SLC16A10: variants seen among roughly 807,000 people sequenced by gnomAD.
The protein encoded by SLC16A10 is solute carrier family 16 member 10, also known as monocarboxylate transporter 10.
Under a neutral mutation model 40.0 loss-of-function variants are expected in SLC16A10, and 27 were observed. The observed-to-expected ratio is 0.67, with a 90% CI of 0.50 to 0.93. SLC16A10 has a LOEUF of 0.93. Among genes scored for constraint, SLC16A10 ranks in the 40% least tolerant of loss-of-function variants. The pLI, the probability that SLC16A10 is intolerant of heterozygous loss-of-function variation, is 0.00. For missense variants in SLC16A10, 529 were observed against 658.2 expected, an observed-to-expected ratio of 0.80 and a Z score of 2.15; for synonymous variants, 213 against 249.8, an observed-to-expected ratio of 0.85 and a Z score of 1.39.
intron 1 of SLC16A10, among the ~76,000 whole-genome samples, chr6:111,099,318 GTATT>G (rs1191844851): frequency 2.6e-5 from 4 of 152,106 alleles, no homozygotes; most frequent in East Asian, 3.9e-4. Flanking sequence ...TTGTATGTAT[GTATT>G]TATTTATTTT....
chr6:111,101,610 A>C (rs1029455338), intron 1 of SLC16A10, among the ~76,000 whole-genome samples: 1 of 152,016 alleles, frequency 6.6e-6, no homozygotes, highest in Admixed American at 6.5e-5. Flanking sequence ...TCAGATTTGC[A>C]AATAAATAAT....
intron 1 of SLC16A10, among the ~76,000 whole-genome samples, chr6:111,155,421 A>G (rs973351013): frequency 6.6e-6 from 1 of 151,920 alleles, no homozygotes; most frequent in African/African-American, 2.4e-5. Flanking sequence ...GCTGGTCTCA[A>G]ACTCCTGGCC....
intron 4 of SLC16A10, among the ~76,000 whole-genome samples, chr6:111,207,582 T>C (rs775084385): frequency 2.6e-5 from 4 of 152,170 alleles, no homozygotes; most frequent in Admixed American, 6.5e-5. Flanking sequence ...GATAAAGCAG[T>C]GTTGCAGCAC....
intron 1 of SLC16A10, among the ~76,000 whole-genome samples, chr6:111,112,378 G>A (rs117190473): frequency 0.08 from 12,198 of 152,176 alleles, 716 homozygotes; most frequent in Middle Eastern, 0.12. Flanking sequence ...GGCAAGTGCT[G>A]TGCAAGGCAC....
chr6:111,098,244 T>C (rs2114435162), intron 1 of SLC16A10, among the ~76,000 whole-genome samples: 1 of 152,038 alleles, frequency 6.6e-6, no homozygotes, highest in South Asian at 2.1e-4. Context: ...AGTTGGAGGT[T>C]GCAATGAGCC....
In SLC16A10 at chr6:111,226,360, T is replaced by C. The variant is rs1422221335; in HGVS notation, c.*4125T>C. On this transcript the variant is annotated 3_prime_UTR_variant, in exon 6 of 6. Coordinates refer to ENST00000368851, the MANE Select transcript of SLC16A10 (RefSeq NM_018593.5). ...ATGATTGTTCTTCAGGGACCTTCCT[T>C]AGGTTAGGTTACATTTTCTGGTGAA... is the stretch of plus-strand genomic sequence containing the variant. The C allele has an allele frequency of 6.6e-6, 1 of 152,178 alleles. No individual in the cohort carries two copies. Among genetic ancestry groups the C allele is most frequent in the Non-Finnish European group, 1.5e-5 (1 of 68,040 alleles). The allele number at this position is 152,178 out of a possible 1,614,324, so 9.4% of individuals were successfully genotyped here.
intron 4 of SLC16A10, among the ~76,000 whole-genome samples, chr6:111,216,116 G>T (rs2114591983): frequency 6.6e-6 from 1 of 151,962 alleles, no homozygotes; most frequent in African/African-American, 2.4e-5. Flanking sequence ...ATCTCTTTTT[G>T]TCTCAATAAA....
intron 1 of SLC16A10, among the ~76,000 whole-genome samples, chr6:111,102,192 C>T (rs1278671137): frequency 2.0e-5 from 3 of 152,120 alleles, no homozygotes; most frequent in Non-Finnish European, 2.9e-5. Flanking sequence ...CTTGGGTGTA[C>T]GTCCAGAAGT....
intron 1 of SLC16A10, among the ~76,000 whole-genome samples, chr6:111,138,712 C>G (rs532870089): frequency 1.3e-5 from 2 of 151,954 alleles, no homozygotes; most frequent in African/African-American, 2.4e-5. Flanking sequence ...ATTCAAACTC[C>G]GGGGCTCAAG....
Position 111,203,751 on chromosome 6 carries a change from T to TAAATAAAA in SLC16A10, c.943-2838_943-2837insTAAAAAAA, listed in dbSNP as rs1554261471. On this transcript the variant is annotated intron_variant, in intron 3 of 5. Transcript: ENST00000368851. ...ATAAATAAATAAATAAATAAATAAA[T>TAAATAAAA]AAAATAATGCCCCTTCTAGTTGAAA... Among the ~76,000 whole-genome samples, 195 of 147,694 alleles carry TAAATAAAA rather than the reference T, an allele frequency of 1.3e-3. 1 individual carries two copies. The East Asian group carries it at 0.015, about 11-fold the overall frequency.
At chr6:111,167,647 G>A (rs189707030) in intron 1 of SLC16A10, among the ~76,000 whole-genome samples, 1,992 of 112,950 alleles carry the variant, frequency 0.018, 20 homozygotes, top group Admixed American at 0.028. Context: ...TTTATTTATT[G>A]TGTGTGTGTG....
intron 1 of SLC16A10, among the ~76,000 whole-genome samples, chr6:111,100,420 C>T (rs548816773): frequency 7.9e-5 from 12 of 151,990 alleles, no homozygotes; most frequent in African/African-American, 2.9e-4. Flanking sequence ...GGTGGAGTCT[C>T]GCTTTGTCAC....
At chr6:111,180,289 A>C (rs1583347608) in intron 3 of SLC16A10, among the ~76,000 whole-genome samples, 1 of 152,338 alleles carries the variant, frequency 6.6e-6, no homozygotes, top group South Asian at 2.1e-4. Context: ...CACGCCTATA[A>C]TCTCACCACT....
intron 3 of SLC16A10, 21 bp from the exon 4 acceptor site, chr6:111,206,571 T>A: frequency 6.2e-7 from 1 of 1,613,758 alleles, no homozygotes; most frequent in Non-Finnish European, 8.5e-7. Context: ...TCAGTGTGGT[T>A]TCTTTCTCTT....
intron 1 of SLC16A10, among the ~76,000 whole-genome samples, chr6:111,088,944 A>AC (rs1770924727): frequency 1.3e-5 from 2 of 151,860 alleles, no homozygotes; most frequent in Non-Finnish European, 2.9e-5. Context: ...AGCGCGGTCA[A>AC]CCCCATTTGG....
chr6:111,165,089 A>G (rs1338107502), intron 1 of SLC16A10, among the ~76,000 whole-genome samples: 1 of 152,200 alleles, frequency 6.6e-6, no homozygotes, highest in Non-Finnish European at 1.5e-5. Flanking sequence ...AAGATTTTTC[A>G]TTGTCCAATC....
chr6:111,216,918 C>A (rs1199861221), intron 4 of SLC16A10, among the ~76,000 whole-genome samples: 1 of 152,160 alleles, frequency 6.6e-6, no homozygotes, highest in East Asian at 1.9e-4. Context: ...TCCTGAATTC[C>A]ACCCAGAACT....
chr6:111,097,993 T>A (rs756998643), intron 1 of SLC16A10, among the ~76,000 whole-genome samples: 56 of 152,288 alleles, frequency 3.7e-4, no homozygotes, highest in South Asian at 1.2e-3. Context: ...GGCTCATACC[T>A]GTAATCCCAG....
intron 3 of SLC16A10, among the ~76,000 whole-genome samples, chr6:111,184,113 T>G (rs1458452564): frequency 6.6e-6 from 1 of 152,172 alleles, no homozygotes; most frequent in Non-Finnish European, 1.5e-5. Flanking sequence ...TGATGTAGTT[T>G]CAGTTACTCT....
Sources: allele counts gnomAD v4.1 joint callset (sites outside exome capture counted in the v4.1 genomes callset), GRCh38; gene constraint gnomAD v4.1.1; transcripts MANE v1.5; gene names NCBI Gene and HGNC (gene_info 2026-07-23, HGNC 2026-07-21).